CLYBL: variants seen among roughly 807,000 people sequenced by gnomAD.
CLYBL encodes citramalyl-CoA lyase, also known as citramalyl-CoA lyase, mitochondrial.
CLYBL carries 31 observed loss-of-function variants against 38.9 expected under a neutral mutation model. The ratio of observed to expected loss-of-function variants is 0.80; its 90% CI spans 0.60 to 1.08. The LOEUF is 1.08. Ranked by LOEUF, CLYBL falls within the 50% of genes least tolerant of loss-of-function variation. CLYBL has a pLI of 0.00. For synonymous variants in CLYBL, 171 were observed against 158.6 expected (o/e 1.08, Z -0.59); for missense variants, 434 against 411.6 (o/e 1.05, Z -0.47).
chr13:99,618,073 G>T (rs943959259), intron 1 of CLYBL, among the ~76,000 whole-genome samples: 20 of 152,082 alleles, frequency 1.3e-4, no homozygotes, highest in Non-Finnish European at 2.9e-4. Context: ...CCAGCCCCCA[G>T]ATATTCATGA....
At chr13:99,797,592 T>TGTGTGTGTG (rs1555308600) in intron 2 of CLYBL, among the ~76,000 whole-genome samples, 4 of 28,394 alleles carry the variant, frequency 1.4e-4, no homozygotes, top group African/African-American at 1.2e-3. Context: ...GTGTGTGTGT[T>TGTGTGTGTG]TAAACAACAC....
At chr13:99,867,249 G>T (rs991845550) in intron 6 of CLYBL, among the ~76,000 whole-genome samples, 1 of 152,114 alleles carries the variant, frequency 6.6e-6, no homozygotes, top group African/African-American at 2.4e-5. Flanking sequence ...AAAGGCACCC[G>T]AATAATTAGG....
chr13:99,826,636 C>A (rs1170645323), intron 2 of CLYBL, among the ~76,000 whole-genome samples: 1 of 152,188 alleles, frequency 6.6e-6, no homozygotes, highest in Non-Finnish European at 1.5e-5. Flanking sequence ...AATCATAGTC[C>A]AACTCTGATC....
At chr13:99,868,014 C>T (rs2051791569) in intron 6 of CLYBL, among the ~76,000 whole-genome samples, 1 of 152,120 alleles carries the variant, frequency 6.6e-6, no homozygotes, top group Non-Finnish European at 1.5e-5. Flanking sequence ...AATTTCTAGA[C>T]TGTGCCCAGC....
At chr13:99,636,633 C>G in intron 1 of CLYBL, among the ~76,000 whole-genome samples, 1 of 151,896 alleles carries the variant, frequency 6.6e-6, no homozygotes, top group African/African-American at 2.4e-5. Flanking sequence ...AGAGAGAGAT[C>G]TCTGATTTTA....
intron 1 of CLYBL, among the ~76,000 whole-genome samples, chr13:99,641,497 G>A (rs1026654669): frequency 3.3e-5 from 5 of 151,802 alleles, no homozygotes; most frequent in East Asian, 1.9e-4. Context: ...GTGAAACCCC[G>A]TCTCTACTAG....
At chr13:99,655,759 T>C (rs2047321140) in intron 1 of CLYBL, among the ~76,000 whole-genome samples, 1 of 152,196 alleles carries the variant, frequency 6.6e-6, no homozygotes, top group African/African-American at 2.4e-5. Flanking sequence ...ATGGCAGGGA[T>C]GGCCTGACAT....
intron 2 of CLYBL, among the ~76,000 whole-genome samples, chr13:99,800,462 A>T (rs1289777814): frequency 6.6e-6 from 1 of 152,182 alleles, no homozygotes; most frequent in East Asian, 1.9e-4. Flanking sequence ...CAGATCTGAG[A>T]GGTGGAGAGA....
chr13:99,773,296 G>A (rs1305183330), intron 2 of CLYBL, among the ~76,000 whole-genome samples: 1 of 152,200 alleles, frequency 6.6e-6, no homozygotes, highest in Non-Finnish European at 1.5e-5. Flanking sequence ...CATGATGTTT[G>A]CCGGTCTAGG....
At chr13:99,621,598 A>G (rs1871934167) in intron 1 of CLYBL, among the ~76,000 whole-genome samples, 1 of 151,966 alleles carries the variant, frequency 6.6e-6, no homozygotes, top group Admixed American at 6.6e-5. Context: ...CTTTCATTGT[A>G]TTAGTTTCCT....
chr13:99,619,589 A>G (rs1254338961), intron 1 of CLYBL, among the ~76,000 whole-genome samples: 1 of 152,192 alleles, frequency 6.6e-6, no homozygotes, highest in Non-Finnish European at 1.5e-5. Context: ...TTTTCTTACA[A>G]TTGTCAAAAA....
At chr13:99,732,733 T>C (rs1193553085) in intron 1 of CLYBL, among the ~76,000 whole-genome samples, 1 of 152,188 alleles carries the variant, frequency 6.6e-6, no homozygotes, top group East Asian at 1.9e-4. Flanking sequence ...ATGAAAATAC[T>C]GTGCTGTAAT....
intron 1 of CLYBL, among the ~76,000 whole-genome samples, chr13:99,675,249 A>G (rs2139376033): frequency 6.6e-6 from 1 of 152,292 alleles, no homozygotes; most frequent in East Asian, 1.9e-4. Context: ...ACTGTCACAT[A>G]CATAAAGGGG....
At chr13:99,685,325 G>A (rs1307254007) in intron 1 of CLYBL, among the ~76,000 whole-genome samples, 3 of 151,780 alleles carry the variant, frequency 2.0e-5, no homozygotes, top group Middle Eastern at 3.4e-3. Context: ...AGAAGTGAAG[G>A]GTAGAAAAAA....
chr13:99,758,039 G>C (rs2049097986), intron 1 of CLYBL, among the ~76,000 whole-genome samples: 1 of 152,194 alleles, frequency 6.6e-6, no homozygotes, highest in African/African-American at 2.4e-5. Context: ...AGAGAGCAAT[G>C]GTGCTGACCT....
rs1379860375 is a variant in CLYBL, at chr13:99,803,393, GC to G, written c.249+30386del. Among the ~76,000 whole-genome samples, 5 of 152,248 alleles carry G rather than the reference GC, an allele frequency of 3.3e-5. No individual in the cohort carries two copies. In the East Asian group the frequency reaches 9.6e-4, roughly 29 times the overall value. ...CACTGCTCAGCTGCTGGCTTCACCA[GC>G]CCATCGCTGGATGTTGTCACATAAA... On this transcript the variant is annotated intron_variant, in intron 2 of 8. Transcript: ENST00000339105.
chr13:99,823,382 C>T (rs1369922783), intron 2 of CLYBL, among the ~76,000 whole-genome samples: 2 of 152,180 alleles, frequency 1.3e-5, no homozygotes, highest in African/African-American at 4.8e-5. Context: ...CAGGTTTTAA[C>T]AAATGCATTA....
chr13:99,614,705 G>GT (rs1306868137), intron 1 of CLYBL, among the ~76,000 whole-genome samples: 1 of 152,140 alleles, frequency 6.6e-6, no homozygotes, highest in East Asian at 1.9e-4. Context: ...GAGTTTTACC[G>GT]TGGACCAGAG....
intron 2 of CLYBL, among the ~76,000 whole-genome samples, chr13:99,815,381 G>T (rs1393185207): frequency 6.6e-6 from 1 of 152,064 alleles, no homozygotes; most frequent in African/African-American, 2.4e-5. Flanking sequence ...AAAATAGCGA[G>T]ACTCCATCTC....
Sources: gnomAD v4.1 joint callset for allele counts (sites outside exome capture counted in the v4.1 genomes callset) on GRCh38, gnomAD v4.1.1 for gene constraint, MANE v1.5 for transcripts, NCBI Gene and HGNC (gene_info 2026-07-23, HGNC 2026-07-21) for gene names.